Variants in MAP3K13 observed in about 807,000 individuals in gnomAD.
MAP3K13 encodes leucine zipper-bearing kinase.
Under a neutral mutation model 104.0 loss-of-function variants are expected in MAP3K13, and 52 were observed. The observed-to-expected ratio is 0.50, with a 90% confidence interval of 0.40 to 0.63. The LOEUF (loss-of-function observed/expected upper bound fraction) is 0.63. Ranked by LOEUF, MAP3K13 falls within the 20% of genes least tolerant of loss-of-function variation. MAP3K13 has a pLI of 0.00. For missense variants in MAP3K13, 914 were observed against 1,218.5 expected (o/e 0.75, Z 3.72); for synonymous variants, 394 against 442.2 (o/e 0.89, Z 1.37).
intron 7 of MAP3K13, among the ~76,000 whole-genome samples, chr3:185,451,878 A>AG (rs988877226): frequency 3.3e-5 from 5 of 152,060 alleles, no homozygotes; most frequent in African/African-American, 1.2e-4. Flanking sequence ...AAAAAAAAAA[A>AG]AAAAGAAAAA....
At chr3:185,470,535 T>C (rs2148920714) in intron 10 of MAP3K13, among the ~76,000 whole-genome samples, 1 of 152,328 alleles carries the variant, frequency 6.6e-6, no homozygotes, top group South Asian at 2.1e-4. Context: ...CTCAACCTCC[T>C]GCTGAGCTCT....
intron 2 of MAP3K13, among the ~76,000 whole-genome samples, chr3:185,317,932 C>G (rs1013269777): frequency 1.3e-5 from 2 of 151,328 alleles, no homozygotes; most frequent in African/African-American, 4.9e-5. Context: ...CAGGGGAATT[C>G]CAGCAAGGTC....
chr3:185,413,630 T>C (rs1031248990), intron 1 of MAP3K13, among the ~76,000 whole-genome samples: 2 of 152,138 alleles, frequency 1.3e-5, no homozygotes, highest in Admixed American at 6.5e-5. Flanking sequence ...AAGACCAGCC[T>C]GGCCAACATG....
At chr3:185,357,732 C>G (rs1560063404) in intron 2 of MAP3K13, among the ~76,000 whole-genome samples, 1 of 152,138 alleles carries the variant, frequency 6.6e-6, no homozygotes, top group African/African-American at 2.4e-5. Context: ...TGTTATCAGT[C>G]AGAGAAGAAT....
intron 2 of MAP3K13, among the ~76,000 whole-genome samples, chr3:185,334,756 G>C (rs912932201): frequency 2.0e-5 from 3 of 152,078 alleles, no homozygotes; most frequent in African/African-American, 7.2e-5. Flanking sequence ...TTACAGGTGA[G>C]TGCCACCACA....
chr3:185,417,413 C>T, intron 1 of MAP3K13: 1 of 1,303,696 alleles, frequency 7.7e-7, no homozygotes, highest in Non-Finnish European at 1.1e-6. Context: ...TTTTTTTCCT[C>T]ACTGCCTGTA....
intron 2 of MAP3K13, among the ~76,000 whole-genome samples, chr3:185,314,050 A>G (rs1423929229): frequency 1.3e-5 from 2 of 152,250 alleles, no homozygotes; most frequent in African/African-American, 4.8e-5. Context: ...TCCTTGACCT[A>G]CTGCAGTTTG....
intron 1 of MAP3K13, among the ~76,000 whole-genome samples, chr3:185,387,902 T>C (rs1711790069): frequency 6.6e-6 from 1 of 152,138 alleles, no homozygotes; most frequent in African/African-American, 2.4e-5. Context: ...CATGCTCTTA[T>C]ATATAGAAAA....
At chr3:185,330,046 ATTTTTTTTTTTTTTTTTTTT>A (rs548813356) in intron 2 of MAP3K13, among the ~76,000 whole-genome samples, 3 of 98,298 alleles carry the variant, frequency 3.1e-5, no homozygotes, top group South Asian at 3.7e-4. Context: ...TGCCTGGCTA[ATTTTTTTTTTTTTTTTTTTT>A]TTTTTTTTTT....
intron 8 of MAP3K13, among the ~76,000 whole-genome samples, chr3:185,464,755 A>G (rs1413096963): frequency 6.6e-6 from 1 of 152,204 alleles, no homozygotes. Context: ...TGGATAATAT[A>G]TAAACAACAG....
In MAP3K13 at chr3:185,450,810, C is replaced by G. The variant is rs1053582521; in HGVS notation, c.1170-477C>G. Among the ~76,000 whole-genome samples the G allele has an allele frequency of 1.3e-5, 2 of 152,094 alleles. No homozygotes were observed. The highest frequency in any genetic ancestry group is 2.9e-5 in the Non-Finnish European group (2 of 68,010). Reference sequence around the variant, plus strand: ...AATAAATTTAAAGAAATGTTAAGGGCCGGGTACGGTGGCTCACGCCTGTAA... The same window carrying G: ...AATAAATTTAAAGAAATGTTAAGGGGCGGGTACGGTGGCTCACGCCTGTAA... On this transcript the variant is annotated intron_variant, in intron 6 of 13. Transcript: ENST00000265026. This position sits in a 1 kb window ranked among gnomAD's most constrained non-coding sequence, Gnocchi z 4.2.
intron 1 of MAP3K13, among the ~76,000 whole-genome samples, chr3:185,388,094 C>G (rs1482715799): frequency 6.7e-6 from 1 of 149,406 alleles, no homozygotes; most frequent in Non-Finnish European, 1.5e-5. Context: ...GAAAAATAAT[C>G]AAGAAAACAA....
chr3:185,410,512 C>T (rs1209958602), intron 1 of MAP3K13, among the ~76,000 whole-genome samples: 3 of 151,934 alleles, frequency 2.0e-5, no homozygotes, highest in Non-Finnish European at 2.9e-5. Context: ...GTTCCCAACA[C>T]AAAAAAAGAT....
intron 7 of MAP3K13, among the ~76,000 whole-genome samples, chr3:185,451,838 G>A (rs1715905279): frequency 6.8e-6 from 1 of 146,404 alleles, no homozygotes; most frequent in South Asian, 2.1e-4. Flanking sequence ...TTGTACTCCA[G>A]CCTGGGCAAC....
At chr3:185,376,785 C>T (rs1724450399) in intron 1 of MAP3K13, among the ~76,000 whole-genome samples, 1 of 151,898 alleles carries the variant, frequency 6.6e-6, no homozygotes, top group Admixed American at 6.6e-5. Context: ...GGGAGATTAA[C>T]CGGACGTGAT....
Position 185,480,277 on chromosome 3 carries a change from C to T in MAP3K13, c.2547C>T (p.Ser849=), listed in dbSNP as rs755864133. The change falls in exon 13 of 14, where the codon AGC becomes AGT. Residue 849 remains serine (S), a synonymous_variant. Transcript: ENST00000265026. ...ISSCQSYSTF[S]SENFSVSDGE... ...GCTGCCAGTCATATTCAACCTTTAG[C>T]TCTGAGAATTTCTCTGTGTCTGATG... The T allele has an allele frequency of 1.1e-5, 17 of 1,614,184 alleles. No individual in the cohort carries two copies. Among genetic ancestry groups the T allele is most frequent in the Non-Finnish European group, 1.4e-5 (17 of 1,180,036 alleles).
rs533112745 is a variant in MAP3K13 at position 185,486,178 on chromosome 3, T to C, written c.*3722T>C. 7 of 152,214 alleles carry C rather than the reference T, an allele frequency of 4.6e-5. No homozygotes were observed. The highest frequency in any genetic ancestry group is 1.0e-4 in the Non-Finnish European group (7 of 68,034). 9.4% of individuals were successfully genotyped at this position (152,214 alleles called of 1,614,324 possible). A position where few individuals can be genotyped will look rare whatever the true frequency, so the allele number is the denominator to read the frequency against. On this transcript the variant is annotated 3_prime_UTR_variant, in exon 14 of 14. Transcript: ENST00000265026. ...ATGGTCTTCCTAGAAAACCTACCCC[T>C]GATACCTCGTAATTTTGATCAGTTT...
intron 2 of MAP3K13, chr3:185,291,715 C>T: frequency 6.6e-7 from 1 of 1,516,700 alleles, no homozygotes; most frequent in Non-Finnish European, 8.8e-7. Context: ...TCAGAAGCTT[C>T]AAGTCTCATC....
At chr3:185,475,931 C>A (rs1192164743) in intron 11 of MAP3K13, among the ~76,000 whole-genome samples, 1 of 152,140 alleles carries the variant, frequency 6.6e-6, no homozygotes, top group East Asian at 1.9e-4. Context: ...CTTCCAACTC[C>A]GATGGCCAGT....
Sources: allele counts gnomAD v4.1 joint callset (sites outside exome capture counted in the v4.1 genomes callset), GRCh38; gene constraint gnomAD v4.1.1; non-coding constraint Gnocchi (gnomAD v3.1); transcripts MANE v1.5; gene names NCBI Gene and HGNC (gene_info 2026-07-23, HGNC 2026-07-21).